The following ALOX5AP variants were observed in gnomAD, a reference collection of about 807,000 sequenced individuals.
The protein encoded by ALOX5AP is arachidonate 5-lipoxygenase activating protein, also known as arachidonate 5-lipoxygenase-activating protein.
A neutral mutation model predicts 18.5 loss-of-function variants in ALOX5AP; 9 were observed. The observed-to-expected ratio is 0.49, with a 90% CI of 0.29 to 0.85. ALOX5AP has a LOEUF of 0.85. ALOX5AP is among the 40% of genes least tolerant of loss of function. The probability of loss-of-function intolerance (pLI) is 0.08; values close to 1 mark genes in which losing one functional copy is unlikely to be tolerated. For synonymous variants in ALOX5AP, 81 were observed against 78.6 expected (o/e 1.03, Z -0.16); for missense variants, 172 against 202.5 (o/e 0.85, Z 0.91).
At chr13:30,753,162 G>A (rs1951865684) in intron 3 of ALOX5AP, among the ~76,000 whole-genome samples, 1 of 152,214 alleles carries the variant, frequency 6.6e-6, no homozygotes. Flanking sequence ...ACAAGGGTGG[G>A]AAGCGCCATA....
intron 4 of ALOX5AP, among the ~76,000 whole-genome samples, chr13:30,759,226 C>G (rs1261013951): frequency 6.6e-6 from 1 of 152,148 alleles, no homozygotes; most frequent in Non-Finnish European, 1.5e-5. Flanking sequence ...TATTACCTAC[C>G]TTCCCTAGCA....
At chr13:30,754,405 C>T (rs377452636) in intron 3 of ALOX5AP, among the ~76,000 whole-genome samples, 1 of 152,178 alleles carries the variant, frequency 6.6e-6, no homozygotes, top group Non-Finnish European at 1.5e-5. Flanking sequence ...CAGGCAGTTA[C>T]TCAGCTTTTC....
At chr13:30,732,504 A>G (rs1409649170), upstream of ALOX5AP, among the ~76,000 whole-genome samples, 1 of 152,128 alleles carries the variant, frequency 6.6e-6, no homozygotes, top group East Asian at 1.9e-4. Context: ...CCCTCCTCCC[A>G]ATTTTTATTT....
intron 2 of ALOX5AP, among the ~76,000 whole-genome samples, chr13:30,751,114 A>C (rs1027510270): frequency 6.6e-6 from 1 of 152,094 alleles, no homozygotes; most frequent in African/African-American, 2.4e-5. Flanking sequence ...CCTGGGCTGG[A>C]GTGCAGTGGT....
intron 1 of ALOX5AP, among the ~76,000 whole-genome samples, chr13:30,715,135 T>C (rs528629629): frequency 1.1e-4 from 17 of 152,334 alleles, no homozygotes; most frequent in African/African-American, 4.1e-4. Context: ...TGGGTTTCCC[T>C]GGCTTTGGAG....
At chr13:30,748,969 A>G (rs1159407224) in intron 2 of ALOX5AP, among the ~76,000 whole-genome samples, 1 of 152,190 alleles carries the variant, frequency 6.6e-6, no homozygotes, top group Non-Finnish European at 1.5e-5. Context: ...CCCCCTCTCC[A>G]GGAGGGGCAC....
chr13:30,718,256 G>C (rs968757735), intron 1 of ALOX5AP, among the ~76,000 whole-genome samples: 1 of 151,916 alleles, frequency 6.6e-6, no homozygotes, highest in East Asian at 1.9e-4. Flanking sequence ...ACTGCATCTG[G>C]CCAAAAGATT....
chr13:30,759,908 TTGCATTCTCAGATGATTC>T (rs1045994588), intron 4 of ALOX5AP, among the ~76,000 whole-genome samples: 2 of 152,200 alleles, frequency 1.3e-5, no homozygotes, highest in African/African-American at 4.8e-5. Flanking sequence ...GCCTGAGAAT[TTGCATTCTCAGATGATTC>T]TGCATTCTCA....
chr13:30,758,133 G>A (rs1038674390), intron 4 of ALOX5AP, among the ~76,000 whole-genome samples: 2 of 152,174 alleles, frequency 1.3e-5, no homozygotes, highest in Non-Finnish European at 2.9e-5. Context: ...GCTGTCATAA[G>A]TAGAAGTAAT....
upstream of ALOX5AP, among the ~76,000 whole-genome samples, chr13:30,733,345 A>C (rs980454062): frequency 1.3e-5 from 2 of 152,210 alleles, no homozygotes; most frequent in East Asian, 1.9e-4. Flanking sequence ...TGCAACTGGA[A>C]TACTTTGTAA....
At chr13:30,714,179 A>AG (rs1275717616) in intron 1 of ALOX5AP, among the ~76,000 whole-genome samples, 25 of 137,838 alleles carry the variant, frequency 1.8e-4, no homozygotes, top group Admixed American at 1.7e-3. Flanking sequence ...AATAGGCATT[A>AG]GGGGATGTGA....
chr13:30,743,740 C>T lies in ALOX5AP; in HGVS notation c.71-320C>T, dbSNP rs541714961. On this transcript the variant is annotated intron_variant, in intron 1 of 4. Coordinates refer to ENST00000380490, the MANE Select transcript of ALOX5AP (RefSeq NM_001629.4). Reference sequence around the variant, plus strand: ...TTGCCTCCTTTGACCCTGAAAGCACCATGTACTCAATCTCATCTTGGCATG... The same window carrying T: ...TTGCCTCCTTTGACCCTGAAAGCACTATGTACTCAATCTCATCTTGGCATG... Among the ~76,000 whole-genome samples the T allele has an allele frequency of 1.1e-4, 17 of 152,132 alleles. No homozygotes were observed. In the East Asian group the frequency reaches 3.1e-3, roughly 28 times the overall value.
rs189945877 is a variant in ALOX5AP, at chr13:30,743,872, C to T, written c.71-188C>T. On this transcript the variant is annotated intron_variant, in intron 1 of 4. Transcript: ENST00000380490. ...GCCTTGCTCATGACTGTGTTTCTAA[C>T]ACCAAACACAGTGTTCAGTAGAGAG... is the stretch of plus-strand genomic sequence containing the variant. Among the ~76,000 whole-genome samples the T allele has an allele frequency of 2.1e-3, 313 of 152,182 alleles. 3 individuals carry two copies. The highest frequency in any genetic ancestry group is 7.1e-3 in the African/African-American group (296 of 41,512).
chr13:30,715,027 G>A (rs1257863507), intron 1 of ALOX5AP, among the ~76,000 whole-genome samples: 1 of 152,208 alleles, frequency 6.6e-6, no homozygotes, highest in Non-Finnish European at 1.5e-5. Context: ...CACATAGGAG[G>A]CTTGTCCTCT....
chr13:30,723,095 T>C (rs1385004896), intron 1 of ALOX5AP, among the ~76,000 whole-genome samples: 3 of 152,236 alleles, frequency 2.0e-5, no homozygotes, highest in Non-Finnish European at 4.4e-5. Flanking sequence ...AGTAGGTCAG[T>C]GTAAAACCCT....
upstream of ALOX5AP, among the ~76,000 whole-genome samples, chr13:30,732,957 C>G (rs1281114770): frequency 6.6e-6 from 1 of 151,960 alleles, no homozygotes; most frequent in Non-Finnish European, 1.5e-5. Context: ...AGATCGAGAC[C>G]ATCCCGGCTA....
chr13:30,743,949 G>T, intron 1 of ALOX5AP, 111 bp from the exon 2 acceptor site: 1 of 807,874 alleles, frequency 1.2e-6, no homozygotes, highest in South Asian at 1.5e-5. Flanking sequence ...GACATTTAGG[G>T]TTGCTTGGAG....
chr13:30,717,714 C>T (rs959361690), intron 1 of ALOX5AP, among the ~76,000 whole-genome samples: 3 of 152,220 alleles, frequency 2.0e-5, no homozygotes, highest in African/African-American at 7.2e-5. Flanking sequence ...CCTCTCAGTA[C>T]ATGAATGAGT....
chr13:30,754,280 T>C (rs547036709), intron 3 of ALOX5AP, among the ~76,000 whole-genome samples: 141 of 152,138 alleles, frequency 9.3e-4, no homozygotes, highest in Non-Finnish European at 1.6e-3. Context: ...GATTTTCTTA[T>C]CTGCCGGATA....
Sources: allele counts gnomAD v4.1 joint callset (sites outside exome capture counted in the v4.1 genomes callset), GRCh38; gene constraint gnomAD v4.1.1; transcripts MANE v1.5; gene names NCBI Gene and HGNC (gene_info 2026-07-23, HGNC 2026-07-21).